The following BRAF variants were observed in gnomAD, a reference collection of about 807,000 sequenced individuals.
BRAF encodes serine/threonine-protein kinase B-raf.
BRAF carries 16 observed loss-of-function variants against 104.6 expected under a neutral mutation model. The observed-to-expected ratio is 0.15, with a 90% CI of 0.10 to 0.23. The LOEUF is 0.23. BRAF is among the 10% of genes least tolerant of loss of function. The probability of loss-of-function intolerance (pLI) is 1.00; values close to 1 mark genes in which losing one functional copy is unlikely to be tolerated. For synonymous variants in BRAF, 310 were observed against 341.6 expected (o/e 0.91, Z 1.02); for missense variants, 541 against 937.3 (o/e 0.58, Z 5.52).
chr7:140,923,147 T>C (rs560482148), intron 1 of BRAF, among the ~76,000 whole-genome samples: 13 of 152,044 alleles, frequency 8.6e-5, no homozygotes, highest in Non-Finnish European at 1.6e-4. Context: ...AACAAGCTGA[T>C]GCTGAATAAA....
At chr7:140,731,811 C>G (rs1015835947) in intron 19 of BRAF, 2 of 152,150 alleles carry the variant, frequency 1.3e-5, no homozygotes, top group Non-Finnish European at 2.9e-5. Context: ...TTTTCCTCAT[C>G]ATTGATTAGT....
chr7:140,755,584 A>T (rs1798137376), intron 14 of BRAF, among the ~76,000 whole-genome samples: 1 of 152,196 alleles, frequency 6.6e-6, no homozygotes, highest in African/African-American at 2.4e-5. Flanking sequence ...TATGTTCTTC[A>T]TAGCATTTAC....
At chr7:140,867,628 T>C (rs1243398681) in intron 1 of BRAF, among the ~76,000 whole-genome samples, 7 of 151,974 alleles carry the variant, frequency 4.6e-5, no homozygotes, top group African/African-American at 1.5e-4. Flanking sequence ...TTTTGTAGTA[T>C]GGTAAAACTT....
At chr7:140,769,370 G>A (rs1799627122) in intron 14 of BRAF, among the ~76,000 whole-genome samples, 1 of 151,334 alleles carries the variant, frequency 6.6e-6, no homozygotes, top group South Asian at 2.1e-4. Flanking sequence ...GAGCCACCGT[G>A]CTTGGCCACC....
intron 1 of BRAF, among the ~76,000 whole-genome samples, chr7:140,918,958 T>C (rs1046776739): frequency 3.3e-5 from 5 of 151,580 alleles, no homozygotes; most frequent in Non-Finnish European, 7.4e-5. Flanking sequence ...GCCAACACGG[T>C]GAAACCCCGT....
chr7:140,788,925 T>C (rs1341591104), intron 8 of BRAF, among the ~76,000 whole-genome samples: 1 of 151,558 alleles, frequency 6.6e-6, no homozygotes. Context: ...TATAGCTCTT[T>C]ATGCGCCGGG....
At chr7:140,857,715 G>A (rs997283136) in intron 1 of BRAF, among the ~76,000 whole-genome samples, 6 of 152,120 alleles carry the variant, frequency 3.9e-5, no homozygotes, top group African/African-American at 1.4e-4. Flanking sequence ...TTCAAGAAGA[G>A]AGATCTAGGA....
intron 11 of BRAF, among the ~76,000 whole-genome samples, chr7:140,782,456 G>T (rs1228205021): frequency 7.9e-6 from 1 of 125,862 alleles, no homozygotes; most frequent in Non-Finnish European, 1.5e-5. Flanking sequence ...ATCTAATTCG[G>T]TCTTTCCAAA....
chr7:140,759,449 C>A (rs553103500), intron 14 of BRAF, among the ~76,000 whole-genome samples: 1 of 152,182 alleles, frequency 6.6e-6, no homozygotes, highest in South Asian at 2.1e-4. Flanking sequence ...TGCAATGGCA[C>A]GATTTTGGCT....
chr7:140,886,056 C>CGAAT (rs944885611), intron 1 of BRAF, among the ~76,000 whole-genome samples: 4 of 152,104 alleles, frequency 2.6e-5, no homozygotes, highest in Non-Finnish European at 5.9e-5. Flanking sequence ...AGACAAGGAC[C>CGAAT]GAATGTCCTG....
At chr7:140,806,102 G>C (rs1158898328) in intron 5 of BRAF, among the ~76,000 whole-genome samples, 1 of 152,028 alleles carries the variant, frequency 6.6e-6, no homozygotes, top group Non-Finnish European at 1.5e-5. Context: ...CTTCAACCTT[G>C]TATCATCCAT....
intron 1 of BRAF, among the ~76,000 whole-genome samples, chr7:140,866,123 C>T (rs900618145): frequency 2.0e-5 from 3 of 152,170 alleles, no homozygotes; most frequent in South Asian, 2.1e-4. Context: ...ACTGAATTTT[C>T]GGAAAGGAGC....
At chr7:140,904,215 C>G (rs1215535672) in intron 1 of BRAF, among the ~76,000 whole-genome samples, 1 of 152,172 alleles carries the variant, frequency 6.6e-6, no homozygotes, top group African/African-American at 2.4e-5. Context: ...TCACTGTTGT[C>G]TTAAGAAACT....
intron 8 of BRAF, among the ~76,000 whole-genome samples, chr7:140,793,626 T>G (rs543280851): frequency 7.2e-5 from 11 of 152,296 alleles, no homozygotes; most frequent in African/African-American, 2.6e-4. Flanking sequence ...ATAGCACAAA[T>G]TGAAATTCTT....
rs147644711 is a variant in BRAF, at chr7:140,803,150, T to C, written c.712-1590A>G. Among the ~76,000 whole-genome samples, 933 of 152,370 alleles carry C rather than the reference T, an allele frequency of 6.1e-3. 10 individuals are homozygous for C. Among genetic ancestry groups the C allele is most frequent in the Middle Eastern group, 0.02 (6 of 294 alleles). On this transcript the variant is annotated intron_variant, in intron 5 of 19. Coordinates refer to ENST00000644969, the MANE Select transcript of BRAF (RefSeq NM_001374258.1). ...ATAGCCTAGTTGTATAGTTAGGCTATACCATGTAGGCTTGTGTAAGCACAT... is the reference window on the plus strand; with the variant it reads ...ATAGCCTAGTTGTATAGTTAGGCTACACCATGTAGGCTTGTGTAAGCACAT...
intron 1 of BRAF, among the ~76,000 whole-genome samples, chr7:140,892,408 TTAGATGAATCCC>T (rs1563021082): frequency 6.6e-6 from 1 of 152,224 alleles, no homozygotes; most frequent in Non-Finnish European, 1.5e-5. Flanking sequence ...CAGATACTTT[TTAGATGAATCCC>T]TTAATATGTA....
At chr7:140,878,795 C>T (rs1026796588) in intron 1 of BRAF, among the ~76,000 whole-genome samples, 10 of 152,148 alleles carry the variant, frequency 6.6e-5, no homozygotes, top group African/African-American at 2.2e-4. Context: ...ATCCCAATCA[C>T]CTTGACTTCA....
chr7:140,801,558 T>A lies in BRAF; in HGVS notation c.714A>T (p.Val238=), dbSNP rs397516902. 1.9e-6 allele frequency: 3 copies of A among 1,611,520 alleles called. No homozygotes were observed. Among genetic ancestry groups the A allele is most frequent in the Non-Finnish European group, 2.5e-6 (3 of 1,178,604 alleles). Residue 238 remains valine (V), a splice_region_variant and synonymous_variant, in exon 6 of 20, where the codon GTA becomes GTT. Transcript: ENST00000644969. ...ENVPLTTHNF[V]RKTFFTLAFC... ...ATGCTAAGGTGAAAAACGTTTTTCGTACCTGCAAAGTAAAAAATCACAGAG... is the reference window on the plus strand; with the variant it reads ...ATGCTAAGGTGAAAAACGTTTTTCGAACCTGCAAAGTAAAAAATCACAGAG...
chr7:140,722,909 A>G lies in BRAF; in HGVS notation c.*3585T>C. 1 of 1,055,578 alleles carries G rather than the reference A, an allele frequency of 9.5e-7. No individual in the cohort carries two copies. Among genetic ancestry groups the G allele is most frequent in the Non-Finnish European group, 1.1e-6 (1 of 873,210 alleles). The allele number at this position is 1,055,578 out of a possible 1,614,324, so 65.4% of individuals were successfully genotyped here. A position where few individuals can be genotyped will look rare whatever the true frequency, so the allele number is the denominator to read the frequency against. ...AACATTCAGATATTCCGAGCAACAC[A>G]TTTTTTTACAGTATTACTGCTTAAA... On this transcript the variant is annotated 3_prime_UTR_variant, in exon 20 of 20. Transcript: ENST00000644969.
Sources: allele counts gnomAD v4.1 joint callset (sites outside exome capture counted in the v4.1 genomes callset), GRCh38; gene constraint gnomAD v4.1.1; transcripts MANE v1.5; gene names NCBI Gene and HGNC (gene_info 2026-07-23, HGNC 2026-07-21).